Variants in CDH11 observed in about 807,000 individuals in gnomAD.
CDH11 encodes the protein cadherin 11.
CDH11 carries 11 observed loss-of-function variants against 67.8 expected under a neutral mutation model. The ratio of observed to expected loss-of-function variants is 0.16; its 90% CI spans 0.10 to 0.27. The LOEUF (loss-of-function observed/expected upper bound fraction) is 0.27. Among genes scored for constraint, CDH11 ranks in the 10% least tolerant of loss-of-function variants. CDH11 has a pLI of 1.00. For synonymous variants in CDH11, 419 were observed against 400.0 expected (o/e 1.05, Z -0.57); for missense variants, 847 against 1,031.2 (o/e 0.82, Z 2.45).
At chr16:64,977,449 C>T (rs747907444) in intron 8 of CDH11, among the ~76,000 whole-genome samples, 23 of 152,160 alleles carry the variant, frequency 1.5e-4, no homozygotes, top group East Asian at 5.8e-4. Flanking sequence ...AGTGTTTTTA[C>T]GTCACAGTCA....
chr16:65,006,766 TG>T (rs1462119905), intron 2 of CDH11: 2 of 152,176 alleles, frequency 1.3e-5, no homozygotes, highest in Non-Finnish European at 2.9e-5. Context: ...ATTCAACATG[TG>T]TTGTGGGAGG....
At chr16:65,012,617 T>G (rs1176418583) in intron 2 of CDH11, among the ~76,000 whole-genome samples, 1 of 152,188 alleles carries the variant, frequency 6.6e-6, no homozygotes, top group African/African-American at 2.4e-5. Context: ...CATCTGAAGA[T>G]CTTGGCAATT....
intron 2 of CDH11, among the ~76,000 whole-genome samples, chr16:65,014,711 C>T (rs1053080103): frequency 3.0e-4 from 45 of 148,644 alleles, no homozygotes; most frequent in African/African-American, 9.7e-4. Flanking sequence ...ATTCTTGAAA[C>T]GACGCAGATG....
At position 65,073,564 on chromosome 16, in the gene CDH11, G is replaced by A. The variant is rs192330139; in HGVS notation, c.-297-19636C>T. 7.2e-5 allele frequency among the ~76,000 whole-genome samples: 11 copies of A among 152,304 alleles called. No individual in the cohort carries two copies. The South Asian group carries it at 8.3e-4, about 11-fold the overall frequency. ...CTCGAAGTGCTGGGATGTTATAGGC[G>A]TGAGCCACCACACTTGGCCTTCCTT... On this transcript the variant is annotated intron_variant, in intron 1 of 12. Transcript: ENST00000268603.
At chr16:65,037,934 G>A (rs1254562529) in intron 2 of CDH11, among the ~76,000 whole-genome samples, 1 of 152,068 alleles carries the variant, frequency 6.6e-6, no homozygotes, top group African/African-American at 2.4e-5. Context: ...TCTGATGAGG[G>A]GAGAAAGCAA....
intron 1 of CDH11, among the ~76,000 whole-genome samples, chr16:65,120,522 T>C (rs553613737): frequency 8.1e-4 from 124 of 152,262 alleles, no homozygotes; most frequent in African/African-American, 2.9e-3. Flanking sequence ...ACGATTTCTT[T>C]AGGGGGAGAC....
intron 7 of CDH11, chr16:64,985,041 A>G (rs1408426220): frequency 3.3e-5 from 5 of 152,166 alleles, no homozygotes; most frequent in African/African-American, 1.2e-4. Flanking sequence ...GATTTCTCTG[A>G]GATAGATGGG....
In CDH11 at chr16:64,945,580, A is replaced by T; in HGVS notation, c.*2023T>A. The T allele has an allele frequency of 9.7e-7, 1 of 1,029,946 alleles. No individual in the cohort carries two copies. The highest frequency in any genetic ancestry group is 1.2e-6 in the Non-Finnish European group (1 of 856,428). The allele number at this position is 1,029,946 out of a possible 1,614,324, so 63.8% of individuals were successfully genotyped here. On this transcript the variant is annotated 3_prime_UTR_variant, in exon 13 of 13. Coordinates refer to ENST00000268603, the MANE Select transcript of CDH11 (RefSeq NM_001797.4). ...GCAAAATATTCTTTGGATTACAAAA[A>T]CTATATAAAAAAATGAACACAACCT...
At chr16:64,994,384 T>G (rs1461020683) in intron 4 of CDH11, among the ~76,000 whole-genome samples, 2 of 152,246 alleles carry the variant, frequency 1.3e-5, no homozygotes, top group African/African-American at 4.8e-5. Context: ...CTATTTCATT[T>G]AACCTTCAAC....
intron 2 of CDH11, among the ~76,000 whole-genome samples, chr16:65,044,602 G>A (rs1219782167): frequency 1.3e-5 from 2 of 152,076 alleles, no homozygotes; most frequent in African/African-American, 2.4e-5. Flanking sequence ...CCCTGCTGGA[G>A]GAGAAGATGC....
At chr16:65,080,586 C>T (rs766551254) in intron 1 of CDH11, among the ~76,000 whole-genome samples, 10 of 152,116 alleles carry the variant, frequency 6.6e-5, no homozygotes, top group Non-Finnish European at 1.0e-4. Flanking sequence ...CATGTGAGCA[C>T]GTGTACATGT....
At chr16:65,033,104 G>C (rs371514160) in intron 2 of CDH11, among the ~76,000 whole-genome samples, 1 of 152,252 alleles carries the variant, frequency 6.6e-6, no homozygotes, top group African/African-American at 2.4e-5. Flanking sequence ...TGCCCATTAC[G>C]TGAAGCTTAA....
At chr16:65,088,501 C>T (rs527746013) in intron 1 of CDH11, among the ~76,000 whole-genome samples, 1 of 152,202 alleles carries the variant, frequency 6.6e-6, no homozygotes, top group South Asian at 2.1e-4. Context: ...AAATACTATA[C>T]CACAAGTAAT....
chr16:65,090,279 TGCTTTGAAAAGAA>T (rs2074772151), intron 1 of CDH11, among the ~76,000 whole-genome samples: 2 of 152,162 alleles, frequency 1.3e-5, no homozygotes. Context: ...ATTGTGTTCC[TGCTTTGAAAAGAA>T]TGTATACAGA....
rs1270748498 is a variant in CDH11 at position 64,946,436 on chromosome 16, A to G, written c.*1167T>C. The G allele has an allele frequency of 1.9e-6, 2 of 1,033,986 alleles. No homozygotes were observed. Among genetic ancestry groups the G allele is most frequent in the African/African-American group, 1.7e-5 (1 of 59,398 alleles). The allele number at this position is 1,033,986 out of a possible 1,614,324, so 64.1% of individuals were successfully genotyped here. ...CCTCATGGATTCATCTCTCATAACC[A>G]TCAAATTACTGATATACAAGATAAA... On this transcript the variant is annotated 3_prime_UTR_variant, in exon 13 of 13. Transcript: ENST00000268603.
chr16:65,048,533 G>A (rs994974909), intron 2 of CDH11, among the ~76,000 whole-genome samples: 10 of 132,814 alleles, frequency 7.5e-5, no homozygotes, highest in South Asian at 2.1e-4. Flanking sequence ...AAAATGTGGC[G>A]TGTGTGTGTG....
At chr16:65,015,794 G>A (rs1249372272) in intron 2 of CDH11, among the ~76,000 whole-genome samples, 2 of 152,198 alleles carry the variant, frequency 1.3e-5, no homozygotes, top group African/African-American at 4.8e-5. Context: ...ACAATGAGAG[G>A]AGGAATTGTC....
intron 1 of CDH11, among the ~76,000 whole-genome samples, chr16:65,093,458 A>G (rs1439796587): frequency 5.3e-5 from 8 of 151,910 alleles, no homozygotes; most frequent in Non-Finnish European, 5.9e-5. Flanking sequence ...ATAAACTTGG[A>G]ATAGTGGGGT....
chr16:65,058,191 C>A, intron 1 of CDH11, among the ~76,000 whole-genome samples: 1 of 152,160 alleles, frequency 6.6e-6, no homozygotes, highest in East Asian at 1.9e-4. Flanking sequence ...CACGGTACTC[C>A]AGCCTGGGTG....
Sources: allele counts gnomAD v4.1 joint callset (sites outside exome capture counted in the v4.1 genomes callset), GRCh38; gene constraint gnomAD v4.1.1; transcripts MANE v1.5; gene names NCBI Gene and HGNC (gene_info 2026-07-23, HGNC 2026-07-21).